COL5A2: variants seen among roughly 807,000 people sequenced by gnomAD.
The protein encoded by COL5A2 is collagen type V alpha 2 chain, also known as collagen alpha-2(V) chain.
Under a neutral mutation model 208.2 loss-of-function variants are expected in COL5A2, and 23 were observed. That is an observed-to-expected ratio of 0.11 (90% CI 0.08 to 0.16). The LOEUF (loss-of-function observed/expected upper bound fraction) is 0.16, where lower values mean the gene tolerates loss of function less well. Ranked by LOEUF, COL5A2 falls within the 10% of genes least tolerant of loss-of-function variation. The probability of loss-of-function intolerance (pLI) is 1.00; values close to 1 mark genes in which losing one functional copy is unlikely to be tolerated. For missense variants in COL5A2, 1,590 were observed against 1,956.4 expected (o/e 0.81, Z 3.53); for synonymous variants, 625 against 628.5 (o/e 0.99, Z 0.08).
At chr2:189,333,597 T>C in the COL5A2 span, among the ~76,000 whole-genome samples, 2 of 152,142 alleles carry the variant, frequency 1.3e-5, no homozygotes, top group Admixed American at 1.3e-4. Flanking sequence ...TGTAACTTTA[T>C]TTGGACTTTG....
the COL5A2 span, among the ~76,000 whole-genome samples, chr2:189,416,804 T>C: frequency 6.6e-5 from 10 of 152,246 alleles, no homozygotes; most frequent in Admixed American, 1.3e-4. Flanking sequence ...TTCTAGACTA[T>C]GTCTTTTGAA....
At chr2:189,181,782 T>C (rs1182634507), upstream of COL5A2, among the ~76,000 whole-genome samples, 1 of 152,210 alleles carries the variant, frequency 6.6e-6, no homozygotes, top group African/African-American at 2.4e-5. Flanking sequence ...GTTTAGTATC[T>C]GTTATCTGTT....
intron 1 of COL5A2, among the ~76,000 whole-genome samples, chr2:189,167,715 A>G: frequency 6.8e-6 from 1 of 146,138 alleles, no homozygotes; most frequent in East Asian, 2.0e-4. Flanking sequence ...ATCCCTGTGC[A>G]GTGAAGCAAT....
intron 26 of COL5A2, 55 bp from the exon 27 acceptor site, chr2:189,063,325 C>T (rs562024876): frequency 5.6e-5 from 79 of 1,402,660 alleles, no homozygotes; most frequent in Non-Finnish European, 7.2e-5. Context: ...CTAAACATAG[C>T]ATCACCCAAA....
At chr2:189,341,456 T>A in the COL5A2 span, among the ~76,000 whole-genome samples, 1 of 152,150 alleles carries the variant, frequency 6.6e-6, no homozygotes, top group Non-Finnish European at 1.5e-5. Context: ...ACAGTTATCA[T>A]TTTTTCCATC....
At chr2:189,350,544 G>C in the COL5A2 span, among the ~76,000 whole-genome samples, 3 of 152,056 alleles carry the variant, frequency 2.0e-5, no homozygotes, top group Non-Finnish European at 4.4e-5. Flanking sequence ...AGGTGTGAAG[G>C]CCCGTCATGA....
At chr2:189,085,097 G>A (rs2105648559) in intron 11 of COL5A2, 63 bp downstream of exon 11, 1 of 1,297,552 alleles carries the variant, frequency 7.7e-7, no homozygotes, top group East Asian at 2.3e-5. Context: ...GAACATTCTT[G>A]TTAACATTTT....
the COL5A2 span, among the ~76,000 whole-genome samples, chr2:189,382,321 ACACTCCAGCCTGGGTGACAG>A: frequency 6.6e-6 from 1 of 152,130 alleles, no homozygotes; most frequent in South Asian, 2.1e-4. Flanking sequence ...TCATGCCGCT[ACACTCCAGCCTGGGTGACAG>A]AGTAAGACCT....
At chr2:189,311,673 T>A in the COL5A2 span, 2 of 755,454 alleles carry the variant, frequency 2.6e-6, no homozygotes, top group Non-Finnish European at 4.7e-6. Flanking sequence ...ATGAGCATCA[T>A]CTCAGCAGCT....
chr2:189,090,031 G>T (rs957255950), intron 7 of COL5A2, among the ~76,000 whole-genome samples: 1 of 152,100 alleles, frequency 6.6e-6, no homozygotes, highest in Non-Finnish European at 1.5e-5. Flanking sequence ...GCTAGAAATG[G>T]TCTAGTAAGG....
At chr2:189,300,123 T>G in the COL5A2 span, among the ~76,000 whole-genome samples, 1 of 152,202 alleles carries the variant, frequency 6.6e-6, no homozygotes, top group African/African-American at 2.4e-5. Context: ...AGGGTCAAGA[T>G]TCTCATGACC....
At chr2:189,311,432 T>C in the COL5A2 span, 1 of 1,139,170 alleles carries the variant, frequency 8.8e-7, no homozygotes, top group Non-Finnish European at 1.3e-6. Context: ...GATCTCAGCC[T>C]CCAGCTTGAC....
Position 189,054,141 on chromosome 2 carries a change from T to C in COL5A2, c.2445+18A>G. ...GACTCATAATTTTGAGTGTACAAAT[T>C]AACAACTTGTGACTTACCTTTTCTC... On this transcript the variant is annotated intron_variant, in intron 36 of 53. Coordinates refer to ENST00000374866, the MANE Select transcript of COL5A2 (RefSeq NM_000393.5). 6.2e-7 allele frequency: 1 copy of C among 1,611,692 alleles called. No individual in the cohort carries two copies. The highest frequency in any genetic ancestry group is 8.5e-7 in the Non-Finnish European group (1 of 1,177,788).
intron 1 of COL5A2, among the ~76,000 whole-genome samples, chr2:189,162,218 T>G (rs1688380723): frequency 6.6e-6 from 1 of 152,208 alleles, no homozygotes; most frequent in Non-Finnish European, 1.5e-5. Context: ...GACGATTAAC[T>G]TCTTGGGAGT....
the COL5A2 span, among the ~76,000 whole-genome samples, chr2:189,440,093 T>A: frequency 6.6e-6 from 1 of 152,228 alleles, no homozygotes; most frequent in African/African-American, 2.4e-5. Context: ...CCCTTTCTAG[T>A]TCTGGCTCCC....
chr2:189,098,243 T>C (rs1218717455), intron 5 of COL5A2, among the ~76,000 whole-genome samples: 1 of 152,218 alleles, frequency 6.6e-6, no homozygotes, highest in African/African-American at 2.4e-5. Context: ...TTACATGAAG[T>C]GTGTGTATAT....
the COL5A2 span, among the ~76,000 whole-genome samples, chr2:189,266,426 A>C: frequency 1.5e-5 from 2 of 136,052 alleles, no homozygotes; most frequent in Non-Finnish European, 3.2e-5. Flanking sequence ...ACTTCATCTC[A>C]AAAAAAAAAA....
chr2:189,320,221 CAG>C, the COL5A2 span, among the ~76,000 whole-genome samples: 1 of 152,300 alleles, frequency 6.6e-6, no homozygotes, highest in East Asian at 1.9e-4. Flanking sequence ...GGGGATAAAA[CAG>C]AGCAGAAAAA....
the COL5A2 span, among the ~76,000 whole-genome samples, chr2:189,394,294 T>A: frequency 6.6e-6 from 1 of 152,194 alleles, no homozygotes. Flanking sequence ...AAGCCTTTTT[T>A]AAATTTAAAT....
Sources: allele counts gnomAD v4.1 joint callset (sites outside exome capture counted in the v4.1 genomes callset), GRCh38; gene constraint gnomAD v4.1.1; transcripts MANE v1.5; gene names NCBI Gene and HGNC (gene_info 2026-07-23, HGNC 2026-07-21).